Variants in LUZP2 observed in about 807,000 individuals in gnomAD.
LUZP2 encodes leucine zipper protein 2.
In LUZP2, 52 loss-of-function variants were observed where a neutral mutation model predicts 51.6. The ratio of observed to expected loss-of-function variants is 1.01; its 90% CI spans 0.81 to 1.27. The LOEUF is 1.27. LUZP2 is among the 50% of genes most tolerant of loss of function. The probability of loss-of-function intolerance (pLI) is 0.00; values close to 1 mark genes in which losing one functional copy is unlikely to be tolerated. For missense variants in LUZP2, 436 were observed against 395.4 expected, an observed-to-expected ratio of 1.10 and a Z score of -0.87; for synonymous variants, 154 against 137.3, an observed-to-expected ratio of 1.12 and a Z score of -0.85.
Position 25,044,257 on chromosome 11 carries a change from GTATATATATATA to G in LUZP2, c.766-5758_766-5747del, listed in dbSNP as rs1235208041. On this transcript the variant is annotated intron_variant, in intron 9 of 11. Transcript: ENST00000336930. Reference sequence around the variant, plus strand: ...TGTATGTGTGTGTGTGTGTGTGTGTGTATATATATATATATATATATATATATATATATAGTC... The same window carrying G: ...TGTATGTGTGTGTGTGTGTGTGTGTGTATATATATATATATATATATAGTC... Among the ~76,000 whole-genome samples the G allele has an allele frequency of 2.8e-4, 17 of 60,784 alleles. 1 individual carries two copies. The East Asian group carries it at 5.3e-3, about 19-fold the overall frequency. The allele number at this position is 60,784 out of a possible 152,430, so 39.9% of individuals were successfully genotyped here. A position where few individuals can be genotyped will look rare whatever the true frequency, so the allele number is the denominator to read the frequency against.
intron 7 of LUZP2, among the ~76,000 whole-genome samples, chr11:24,918,258 A>C (rs1338451560): frequency 6.6e-6 from 1 of 152,072 alleles, no homozygotes; most frequent in Middle Eastern, 3.2e-3. Flanking sequence ...GGTTTTCTAG[A>C]TATACAATCA....
chr11:24,902,797 T>G (rs1337647195), intron 5 of LUZP2, among the ~76,000 whole-genome samples: 3 of 152,206 alleles, frequency 2.0e-5, no homozygotes, highest in Non-Finnish European at 2.9e-5. Flanking sequence ...AGTTAGTATT[T>G]GCTATAATTT....
intron 9 of LUZP2, among the ~76,000 whole-genome samples, chr11:25,038,721 G>A (rs543890875): frequency 6.6e-6 from 1 of 152,138 alleles, no homozygotes; most frequent in Non-Finnish European, 1.5e-5. Flanking sequence ...AGGGGACACT[G>A]GCTTTTTGAA....
At chr11:24,634,176 T>C (rs1230956331) in intron 1 of LUZP2, among the ~76,000 whole-genome samples, 2 of 152,024 alleles carry the variant, frequency 1.3e-5, no homozygotes, top group African/African-American at 2.4e-5. Flanking sequence ...TATGAGTTCA[T>C]GTATGACTTA....
intron 9 of LUZP2, among the ~76,000 whole-genome samples, chr11:24,995,390 C>A (rs1856462403): frequency 6.6e-6 from 1 of 151,886 alleles, no homozygotes; most frequent in Admixed American, 6.6e-5. Context: ...AAGGCCTTGT[C>A]CTCAGAAAAT....
rs1849852742 is a variant in LUZP2, at chr11:24,497,222, G to A, written c.-22G>A. On this transcript the variant is annotated 5_prime_UTR_variant, in exon 1 of 12. Coordinates refer to ENST00000336930, the MANE Select transcript of LUZP2 (RefSeq NM_001009909.4). ...GAGAGAGAGAAGGCAGCGAGGGAAG[G>A]AGGACCCCGGCAGGCAGCAGCATGA... 1 of 1,521,494 alleles carries A rather than the reference G, an allele frequency of 6.6e-7. No individual in the cohort carries two copies. The highest frequency in any genetic ancestry group is 8.9e-7 in the Non-Finnish European group (1 of 1,128,894). The allele number at this position is 1,521,494 out of a possible 1,614,324, so 94.2% of individuals were successfully genotyped here. A position where few individuals can be genotyped will look rare whatever the true frequency, so the allele number is the denominator to read the frequency against.
At chr11:24,999,302 A>G (rs1224139045) in intron 9 of LUZP2, among the ~76,000 whole-genome samples, 1 of 151,848 alleles carries the variant, frequency 6.6e-6, no homozygotes, top group African/African-American at 2.4e-5. Context: ...AGATACAGAT[A>G]TTGCAATGAG....
intron 1 of LUZP2, among the ~76,000 whole-genome samples, chr11:24,542,736 C>CAAA (rs57055137): frequency 2.3e-4 from 35 of 151,178 alleles, no homozygotes; most frequent in African/African-American, 8.0e-4. Context: ...CACTTTTATT[C>CAAA]AAAAAAAATA....
chr11:24,625,062 A>G (rs1435121826), intron 1 of LUZP2, among the ~76,000 whole-genome samples: 2 of 152,154 alleles, frequency 1.3e-5, no homozygotes, highest in East Asian at 3.8e-4. Flanking sequence ...GGATGACATA[A>G]TGCCGAGTGA....
chr11:24,801,273 G>A (rs761570733), intron 5 of LUZP2, among the ~76,000 whole-genome samples: 6 of 151,882 alleles, frequency 4.0e-5, no homozygotes, highest in Admixed American at 2.6e-4. Context: ...TCCAGGAATC[G>A]ATCTGCCTGC....
chr11:24,918,950 C>G (rs370391698), intron 7 of LUZP2, among the ~76,000 whole-genome samples: 1 of 8,078 alleles, frequency 1.2e-4, no homozygotes, highest in Non-Finnish European at 2.4e-3. Context: ...TACTATATAT[C>G]CATAATATGT....
chr11:25,003,531 CCATT>C (rs1398518285), intron 9 of LUZP2, among the ~76,000 whole-genome samples: 2 of 152,338 alleles, frequency 1.3e-5, no homozygotes, highest in African/African-American at 2.4e-5. Context: ...TCTCCACTGA[CCATT>C]CAGTTTTTGT....
intron 5 of LUZP2, among the ~76,000 whole-genome samples, chr11:24,783,174 C>T (rs1849140773): frequency 6.6e-6 from 1 of 152,042 alleles, no homozygotes; most frequent in Non-Finnish European, 1.5e-5. Flanking sequence ...GTTCACTATT[C>T]TTGTCAGAGC....
intron 5 of LUZP2, among the ~76,000 whole-genome samples, chr11:24,782,266 A>T (rs1849116467): frequency 6.6e-6 from 1 of 152,088 alleles, no homozygotes; most frequent in East Asian, 1.9e-4. Flanking sequence ...TTGTAGCATT[A>T]GAAGTATGGT....
At chr11:24,977,285 A>G (rs1855906289) in intron 8 of LUZP2, among the ~76,000 whole-genome samples, 1 of 151,728 alleles carries the variant, frequency 6.6e-6, no homozygotes, top group South Asian at 2.1e-4. Flanking sequence ...CAATATTGAT[A>G]TACCTACAAC....
chr11:24,516,894 A>G (rs1432463741), intron 1 of LUZP2, among the ~76,000 whole-genome samples: 1 of 152,204 alleles, frequency 6.6e-6, no homozygotes, highest in East Asian at 1.9e-4. Flanking sequence ...ATTTAGTTTC[A>G]ACAGCTTAGA....
rs145698869 is a variant in LUZP2 at position 25,006,351 on chromosome 11, G to A, written c.765+23058G>A. Among the ~76,000 whole-genome samples the A allele has an allele frequency of 8.1e-3, 1,237 of 152,238 alleles. 16 individuals are homozygous for A. The highest frequency in any genetic ancestry group is 0.025 in the African/African-American group (1,050 of 41,542). On this transcript the variant is annotated intron_variant, in intron 9 of 11. Transcript: ENST00000336930. ...ATAGATGGGCAAGTCTCGCTTGGGC[G>A]ACATGACTTTGATAGTTCTGCTCAT...
In LUZP2 at chr11:24,976,664, G is replaced by C; in HGVS notation, c.596G>C (p.Arg199Thr). Residue 199 changes from arginine (R) to threonine (T), a missense_variant and splice_region_variant, in exon 8 of 12, where the codon AGG becomes ACG. By Grantham distance (71) the Arg-to-Thr change is moderately conservative (BLOSUM62 -1). Coordinates refer to ENST00000336930, the MANE Select transcript of LUZP2 (RefSeq NM_001009909.4). ...GAACTGGAGAAAGCAGCTCTTGACA[G>C]GGTAAGTCTACATTCATGAACCATT... ...KNELEKAALDRESQMKAMKET... is the reference protein window; with the variant it reads ...KNELEKAALDTESQMKAMKET... 3 of 1,528,556 alleles carry C rather than the reference G, an allele frequency of 2.0e-6. No homozygotes were observed. Among genetic ancestry groups the C allele is most frequent in the Non-Finnish European group, 2.6e-6 (3 of 1,135,508 alleles). 94.7% of individuals were successfully genotyped at this position (1,528,556 alleles called of 1,614,324 possible). A position where few individuals can be genotyped will look rare whatever the true frequency, so the allele number is the denominator to read the frequency against.
At chr11:24,625,755 CT>C (rs1475911516) in intron 1 of LUZP2, among the ~76,000 whole-genome samples, 1 of 151,104 alleles carries the variant, frequency 6.6e-6, no homozygotes, top group Non-Finnish European at 1.5e-5. Context: ...GAATCACAGC[CT>C]TCAATTGAAG....
Sources: allele counts gnomAD v4.1 joint callset (sites outside exome capture counted in the v4.1 genomes callset), GRCh38; gene constraint gnomAD v4.1.1; transcripts MANE v1.5; gene names NCBI Gene and HGNC (gene_info 2026-07-23, HGNC 2026-07-21).